Variants in SGCZ observed in about 807,000 individuals in gnomAD.
SGCZ encodes the protein zeta-sarcoglycan.
A neutral mutation model predicts 41.3 loss-of-function variants in SGCZ; 40 were observed. That is an observed-to-expected ratio of 0.97 (90% confidence interval 0.75 to 1.26). The LOEUF (loss-of-function observed/expected upper bound fraction) is 1.26. SGCZ is among the 50% of genes most tolerant of loss of function. The pLI is 0.00. For synonymous variants in SGCZ, 206 were observed against 137.5 expected (o/e 1.50, Z -3.49); for missense variants, 552 against 369.8 (o/e 1.49, Z -4.04).
intron 2 of SGCZ, among the ~76,000 whole-genome samples, chr8:14,465,515 G>A (rs1801023761): frequency 6.6e-6 from 1 of 151,632 alleles, no homozygotes; most frequent in Non-Finnish European, 1.5e-5. Context: ...TGATAAGAAA[G>A]GATTAATTTC....
intron 2 of SGCZ, among the ~76,000 whole-genome samples, chr8:14,326,288 C>T (rs1240158815): frequency 2.0e-5 from 3 of 151,222 alleles, no homozygotes; most frequent in Non-Finnish European, 4.4e-5. Context: ...CAGTATCAGA[C>T]GAAAGTTGAG....
At chr8:14,990,542 T>C (rs1437797115) in intron 1 of SGCZ, among the ~76,000 whole-genome samples, 1 of 152,044 alleles carries the variant, frequency 6.6e-6, no homozygotes, top group Non-Finnish European at 1.5e-5. Context: ...CTAGGTTGCA[T>C]GCTCCTTATG....
chr8:14,626,494 C>A (rs527299093), intron 1 of SGCZ, among the ~76,000 whole-genome samples: 1 of 151,880 alleles, frequency 6.6e-6, no homozygotes. Flanking sequence ...AGTTCTAAAC[C>A]CTAGTTCTTC....
At chr8:14,507,148 G>C (rs149395970) in intron 2 of SGCZ, among the ~76,000 whole-genome samples, 1,371 of 130,066 alleles carry the variant, frequency 0.011, 11 homozygotes, top group Non-Finnish European at 0.013. Context: ...TTCTTCTTTG[G>C]ACTATTCTCT....
At chr8:14,446,145 C>T (rs898573455) in intron 2 of SGCZ, among the ~76,000 whole-genome samples, 3 of 152,158 alleles carry the variant, frequency 2.0e-5, no homozygotes, top group East Asian at 1.9e-4. Flanking sequence ...AGCACTCAGG[C>T]ATATATACCA....
intron 1 of SGCZ, among the ~76,000 whole-genome samples, chr8:15,226,127 G>A (rs1333126213): frequency 6.6e-6 from 1 of 152,124 alleles, no homozygotes; most frequent in African/African-American, 2.4e-5. Flanking sequence ...GTACTAATAT[G>A]CAGCTCAGAA....
intron 1 of SGCZ, among the ~76,000 whole-genome samples, chr8:15,143,059 T>C (rs1798940209): frequency 6.6e-6 from 1 of 152,358 alleles, no homozygotes; most frequent in Non-Finnish European, 1.5e-5. Flanking sequence ...AAGGTACATT[T>C]GCAGTTGCTA....
chr8:14,207,745 T>C (rs747498070), intron 4 of SGCZ, among the ~76,000 whole-genome samples: 1 of 152,198 alleles, frequency 6.6e-6, no homozygotes, highest in African/African-American at 2.4e-5. Flanking sequence ...AATATTTACA[T>C]TTCATTCTAC....
intron 7 of SGCZ, among the ~76,000 whole-genome samples, chr8:14,091,013 T>C (rs1283786287): frequency 1.3e-5 from 2 of 151,930 alleles, no homozygotes; most frequent in Non-Finnish European, 2.9e-5. Flanking sequence ...CAGGCCCGGA[T>C]GTGTGATGTT....
chr8:14,181,727 T>C (rs1052571485), intron 4 of SGCZ, among the ~76,000 whole-genome samples: 4 of 152,132 alleles, frequency 2.6e-5, no homozygotes, highest in African/African-American at 9.7e-5. Flanking sequence ...ATACATCCCT[T>C]TGTTCTTCCT....
At chr8:14,732,048 T>C (rs770707377) in intron 1 of SGCZ, among the ~76,000 whole-genome samples, 18 of 152,228 alleles carry the variant, frequency 1.2e-4, no homozygotes, top group Admixed American at 1.3e-4. Context: ...GTACAACTTG[T>C]TGAGCTTTCT....
At chr8:15,007,784 T>C (rs889844732) in intron 1 of SGCZ, among the ~76,000 whole-genome samples, 2 of 152,196 alleles carry the variant, frequency 1.3e-5, no homozygotes, top group Non-Finnish European at 2.9e-5. Flanking sequence ...ATAATTACTG[T>C]GTAAAATAGA....
intron 4 of SGCZ, among the ~76,000 whole-genome samples, chr8:14,170,157 T>C (rs899632743): frequency 2.0e-5 from 3 of 151,902 alleles, no homozygotes; most frequent in Admixed American, 6.6e-5. Context: ...TTAGAAATCT[T>C]CCACTTTCAA....
intron 2 of SGCZ, among the ~76,000 whole-genome samples, chr8:14,324,872 T>A (rs545833618): frequency 6.6e-6 from 1 of 152,270 alleles, no homozygotes; most frequent in East Asian, 1.9e-4. Flanking sequence ...TGGAAGAGAT[T>A]GACTACGATA....
At chr8:14,836,524 G>A (rs1006931155) in intron 1 of SGCZ, among the ~76,000 whole-genome samples, 4 of 152,076 alleles carry the variant, frequency 2.6e-5, no homozygotes, top group African/African-American at 9.6e-5. Context: ...TTTGAGACGG[G>A]GTCTCACTCT....
chr8:14,442,271 G>A (rs929736483), intron 2 of SGCZ, among the ~76,000 whole-genome samples: 1 of 152,138 alleles, frequency 6.6e-6, no homozygotes, highest in Non-Finnish European at 1.5e-5. Context: ...ATATTCTCGT[G>A]ATAATGAATA....
chr8:15,172,152 C>CGGG (rs1322884184), intron 1 of SGCZ, among the ~76,000 whole-genome samples: 1 of 70,560 alleles, frequency 1.4e-5, no homozygotes, highest in East Asian at 4.2e-4. Flanking sequence ...CTTTTATACT[C>CGGG]TGTTTTTTTT....
chr8:15,033,336 C>A (rs773208563), intron 1 of SGCZ, among the ~76,000 whole-genome samples: 1 of 151,948 alleles, frequency 6.6e-6, no homozygotes, highest in Admixed American at 6.6e-5. Flanking sequence ...AGGAAAGCAC[C>A]CATGGCTCCA....
intron 1 of SGCZ, among the ~76,000 whole-genome samples, chr8:15,173,546 T>C (rs1022820277): frequency 1.3e-5 from 2 of 152,186 alleles, no homozygotes; most frequent in South Asian, 2.1e-4. Flanking sequence ...TTATAATATG[T>C]AGTATGATTT....
Sources: gnomAD v4.1 joint callset for allele counts (sites outside exome capture counted in the v4.1 genomes callset) on GRCh38, gnomAD v4.1.1 for gene constraint, MANE v1.5 for transcripts, NCBI Gene and HGNC (gene_info 2026-07-23, HGNC 2026-07-21) for gene names.